The following RGS6 variants were observed in gnomAD, a reference collection of about 807,000 sequenced individuals.
RGS6 encodes the protein regulator of G protein signaling 6, also known as regulator of G-protein signaling 6.
Under a neutral mutation model 78.5 loss-of-function variants are expected in RGS6, and 30 were observed. The observed-to-expected ratio is 0.38, with a 90% CI of 0.29 to 0.52. The LOEUF (loss-of-function observed/expected upper bound fraction) is 0.52. RGS6 is among the 20% of genes least tolerant of loss of function. The pLI, the probability that RGS6 is intolerant of heterozygous loss-of-function variation, is 0.85. For missense variants in RGS6, 495 were observed against 609.7 expected (o/e 0.81, Z 1.98); for synonymous variants, 206 against 206.0 (o/e 1.00, Z 0.00).
chr14:72,022,762 G>A (rs1233291918), intron 2 of RGS6, among the ~76,000 whole-genome samples: 1 of 152,166 alleles, frequency 6.6e-6, no homozygotes, highest in Non-Finnish European at 1.5e-5. Flanking sequence ...TGGGATAAAA[G>A]TCCAAATGTT....
intron 3 of RGS6, among the ~76,000 whole-genome samples, chr14:72,421,972 G>A (rs888606525): frequency 3.3e-5 from 5 of 152,182 alleles, no homozygotes; most frequent in African/African-American, 1.2e-4. Context: ...AAATCCACAT[G>A]TTGTGGGAGG....
chr14:72,412,494 T>C (rs1056436821), intron 3 of RGS6, among the ~76,000 whole-genome samples: 3 of 152,330 alleles, frequency 2.0e-5, no homozygotes, highest in Admixed American at 2.0e-4. Flanking sequence ...TCTATCCATT[T>C]TGTTGATCTT....
intron 14 of RGS6, chr14:72,511,788 A>C (rs2096881016): frequency 6.6e-6 from 1 of 152,252 alleles, no homozygotes; most frequent in Non-Finnish European, 1.5e-5. Context: ...TGTTCTAGGC[A>C]TCCACGTGTC....
chr14:71,874,046 C>G, the RGS6 span, among the ~76,000 whole-genome samples: 2 of 152,126 alleles, frequency 1.3e-5, no homozygotes, highest in Non-Finnish European at 2.9e-5. Context: ...TTACTGTAGC[C>G]TTGTAGTATA....
chr14:71,957,921 C>T (rs2092914316), intron 1 of RGS6, among the ~76,000 whole-genome samples: 1 of 151,962 alleles, frequency 6.6e-6, no homozygotes, highest in Non-Finnish European at 1.5e-5. Context: ...AACGCACCAC[C>T]ATGCCTGGCT....
intron 2 of RGS6, among the ~76,000 whole-genome samples, chr14:72,266,376 G>T (rs573754707): frequency 6.6e-6 from 1 of 152,196 alleles, no homozygotes; most frequent in African/African-American, 2.4e-5. Flanking sequence ...CTAAGCCTGG[G>T]CCCAGGATCC....
the RGS6 span, among the ~76,000 whole-genome samples, chr14:72,611,667 C>T: frequency 2.6e-5 from 4 of 152,212 alleles, no homozygotes; most frequent in African/African-American, 9.7e-5. Context: ...GCCCAACACA[C>T]TCCAGGCCAG....
At chr14:72,609,283 C>G in the RGS6 span, among the ~76,000 whole-genome samples, 2 of 152,156 alleles carry the variant, frequency 1.3e-5, no homozygotes, top group Non-Finnish European at 2.9e-5. Flanking sequence ...CTCCCAGAAC[C>G]CCATCAGGAC....
downstream of RGS6, among the ~76,000 whole-genome samples, chr14:72,567,470 C>T (rs80171108): frequency 7.4e-4 from 112 of 152,340 alleles, no homozygotes; most frequent in African/African-American, 9.9e-4. Flanking sequence ...CTGACCGCCA[C>T]GAGCAGGGCT....
At chr14:72,280,741 T>C (rs916920988) in intron 2 of RGS6, among the ~76,000 whole-genome samples, 5 of 152,212 alleles carry the variant, frequency 3.3e-5, no homozygotes, top group African/African-American at 1.2e-4. Context: ...AGATAGTTAT[T>C]ATTACCTTTT....
chr14:72,208,201 A>T (rs74698894), intron 2 of RGS6, among the ~76,000 whole-genome samples: 1 of 152,204 alleles, frequency 6.6e-6, no homozygotes, highest in Non-Finnish European at 1.5e-5. Flanking sequence ...GAAACTCTCT[A>T]TCTCTAGGCA....
the RGS6 span, among the ~76,000 whole-genome samples, chr14:71,885,484 A>C: frequency 6.6e-6 from 1 of 152,216 alleles, no homozygotes; most frequent in Non-Finnish European, 1.5e-5. Flanking sequence ...CCAATTCTCA[A>C]AGGGCAGCTT....
chr14:72,365,155 G>A (rs1194344065), intron 3 of RGS6, among the ~76,000 whole-genome samples: 1 of 152,136 alleles, frequency 6.6e-6, no homozygotes, highest in African/African-American at 2.4e-5. Flanking sequence ...GCCTGGACAA[G>A]AAACTCTAAA....
At chr14:72,458,461 G>C (rs1288290093) in intron 5 of RGS6, 84 bp downstream of exon 5, 2 of 1,099,462 alleles carry the variant, frequency 1.8e-6, no homozygotes, top group African/African-American at 1.6e-5. Context: ...AGAAAACCTA[G>C]GGATATCTGA....
chr14:72,233,236 A>G (rs1480534096), intron 2 of RGS6, among the ~76,000 whole-genome samples: 4 of 152,132 alleles, frequency 2.6e-5, no homozygotes, highest in Non-Finnish European at 5.9e-5. Flanking sequence ...GTTCCCTATC[A>G]TTGGAGGTAT....
intron 15 of RGS6, among the ~76,000 whole-genome samples, chr14:72,524,490 G>A (rs949675837): frequency 1.3e-5 from 2 of 152,194 alleles, no homozygotes; most frequent in African/African-American, 2.4e-5. Context: ...GCCTTCACAG[G>A]CTCTAGATGA....
intron 2 of RGS6, among the ~76,000 whole-genome samples, chr14:72,014,976 ATTGTCT>A (rs1348045646): frequency 6.6e-6 from 1 of 152,166 alleles, no homozygotes; most frequent in African/African-American, 2.4e-5. Flanking sequence ...TCCTTCTAAC[ATTGTCT>A]TTGAGGTTTA....
At chr14:72,401,462 A>G (rs1017300308) in intron 3 of RGS6, among the ~76,000 whole-genome samples, 15 of 151,894 alleles carry the variant, frequency 9.9e-5, no homozygotes, top group African/African-American at 3.6e-4. Flanking sequence ...TGTTAATAGA[A>G]ATACAGAGCC....
chr14:71,931,672 C>T (rs1174623985), upstream of RGS6, among the ~76,000 whole-genome samples: 1 of 152,140 alleles, frequency 6.6e-6, no homozygotes, highest in Non-Finnish European at 1.5e-5. Flanking sequence ...GGTTACCGTC[C>T]AGCACTAGTG....
Sources: allele counts gnomAD v4.1 joint callset (sites outside exome capture counted in the v4.1 genomes callset), GRCh38; gene constraint gnomAD v4.1.1; transcripts MANE v1.5; gene names NCBI Gene and HGNC (gene_info 2026-07-23, HGNC 2026-07-21).